Variants in ZNF277 observed in about 807,000 individuals in gnomAD.
ZNF277 encodes zinc finger protein 277.
A neutral mutation model predicts 60.7 loss-of-function variants in ZNF277; 55 were observed. That is an observed-to-expected ratio of 0.91 (90% CI 0.73 to 1.13). The LOEUF (loss-of-function observed/expected upper bound fraction) is 1.13. Among genes scored for constraint, ZNF277 ranks in the 50% most tolerant of loss-of-function variants. The probability of loss-of-function intolerance (pLI) is 0.00; values close to 1 mark genes in which losing one functional copy is unlikely to be tolerated. For synonymous variants in ZNF277, 178 were observed against 179.3 expected, an observed-to-expected ratio of 0.99 and a Z score of 0.06; for missense variants, 510 against 523.0, an observed-to-expected ratio of 0.98 and a Z score of 0.24.
At chr7:112,331,443 A>C (rs1360328978) in intron 7 of ZNF277, among the ~76,000 whole-genome samples, 2 of 152,190 alleles carry the variant, frequency 1.3e-5, no homozygotes, top group African/African-American at 4.8e-5. Flanking sequence ...AAATGAATTA[A>C]AACCCAAACC....
intron 1 of ZNF277, among the ~76,000 whole-genome samples, chr7:112,220,758 C>T (rs1264757880): frequency 1.3e-5 from 2 of 152,102 alleles, no homozygotes; most frequent in African/African-American, 2.4e-5. Flanking sequence ...AGCTCACACC[C>T]GACCAATCAG....
At chr7:112,265,355 A>C (rs1054516124) in intron 1 of ZNF277, among the ~76,000 whole-genome samples, 3 of 152,128 alleles carry the variant, frequency 2.0e-5, no homozygotes, top group Non-Finnish European at 4.4e-5. Flanking sequence ...GAAAGGGGAG[A>C]ATGGCAGGTC....
chr7:112,220,854 G>T (rs981850834), intron 1 of ZNF277, among the ~76,000 whole-genome samples: 1 of 152,114 alleles, frequency 6.6e-6, no homozygotes, highest in Admixed American at 6.6e-5. Flanking sequence ...GAGAGCATAG[G>T]GGGAGGGACA....
chr7:112,270,545 G>A (rs1791644921), intron 1 of ZNF277, among the ~76,000 whole-genome samples: 1 of 152,000 alleles, frequency 6.6e-6, no homozygotes, highest in African/African-American at 2.4e-5. Flanking sequence ...AACTTATATT[G>A]TATTCTGACA....
chr7:112,318,312 T>C (rs1792890307), intron 5 of ZNF277, 39 bp downstream of exon 5: 1 of 1,547,704 alleles, frequency 6.5e-7, no homozygotes, highest in Non-Finnish European at 8.9e-7. Context: ...CTGTTTTTAA[T>C]CTGAAAACTC....
At chr7:112,306,287 T>C (rs986291914) in intron 4 of ZNF277, among the ~76,000 whole-genome samples, 3 of 147,986 alleles carry the variant, frequency 2.0e-5, no homozygotes, top group African/African-American at 7.5e-5. Context: ...CAATTTCAGC[T>C]CCCTGCAGCC....
intron 1 of ZNF277, among the ~76,000 whole-genome samples, chr7:112,209,710 A>G (rs569044949): frequency 1.2e-4 from 19 of 152,286 alleles, no homozygotes; most frequent in Non-Finnish European, 1.8e-4. Context: ...TTCAAAGCCA[A>G]CAAGGTGTGA....
At position 112,221,409 on chromosome 7, in the gene ZNF277, C is replaced by T. The variant is rs528932626; in HGVS notation, c.91+14602C>T. Among the ~76,000 whole-genome samples the T allele has an allele frequency of 7.2e-5, 11 of 152,236 alleles. No homozygotes were observed. In the East Asian group the frequency reaches 1.5e-3, roughly 21 times the overall value. The stretch of plus-strand genomic sequence containing the variant: ...CGGGAGCTCTGGGAGGAAGGACCCC[C>T]GGTAACATTATCATATATGGCAGTG... On this transcript the variant is annotated intron_variant, in intron 1 of 11. Coordinates refer to ENST00000361822, the MANE Select transcript of ZNF277 (RefSeq NM_021994.3).
At chr7:112,261,659 A>G (rs1791441533) in intron 1 of ZNF277, among the ~76,000 whole-genome samples, 1 of 152,078 alleles carries the variant, frequency 6.6e-6, no homozygotes, top group Non-Finnish European at 1.5e-5. Context: ...TAAATTTTTT[A>G]ACCTTTATGA....
chr7:112,337,585 T>C, intron 8 of ZNF277, 145 bp from the exon 9 acceptor site: 1 of 545,692 alleles, frequency 1.8e-6, no homozygotes, highest in Non-Finnish European at 3.3e-6. Flanking sequence ...AGTCATAATA[T>C]GATGTGACAG....
At chr7:112,225,421 A>G (rs555955782) in intron 1 of ZNF277, among the ~76,000 whole-genome samples, 3 of 152,338 alleles carry the variant, frequency 2.0e-5, no homozygotes, top group African/African-American at 7.2e-5. Flanking sequence ...CATGACCTCT[A>G]AAGTACAAGG....
rs907686606 is a variant in ZNF277 at position 112,262,408 on chromosome 7, C to T, written c.92-24465C>T. ...AGCACTGTATGGGATATTGTCATTA[C>T]AAAGAGAACTTGGTACTTTAAGTTC... On this transcript the variant is annotated intron_variant, in intron 1 of 11. Transcript: ENST00000361822. 1.2e-4 allele frequency among the ~76,000 whole-genome samples: 18 copies of T among 152,014 alleles called. 1 individual carries two copies. The South Asian group carries it at 3.5e-3, about 30-fold the overall frequency.
intron 1 of ZNF277, among the ~76,000 whole-genome samples, chr7:112,242,550 T>C (rs1287680745): frequency 2.0e-5 from 2 of 99,446 alleles, no homozygotes; most frequent in African/African-American, 8.4e-5. Context: ...CCATTTATAA[T>C]AGCTACCAAA....
chr7:112,307,783 G>T (rs59359759), intron 4 of ZNF277, among the ~76,000 whole-genome samples: 2 of 151,670 alleles, frequency 1.3e-5, no homozygotes, highest in African/African-American at 2.4e-5. Context: ...ATTTTAATTA[G>T]TATCTTAGTG....
intron 1 of ZNF277, among the ~76,000 whole-genome samples, chr7:112,276,686 A>T (rs1458528042): frequency 6.6e-6 from 1 of 152,168 alleles, no homozygotes; most frequent in African/African-American, 2.4e-5. Flanking sequence ...ATTATTAGTA[A>T]ATTGCTGTGT....
At chr7:112,327,911 G>C in intron 6 of ZNF277, 84 bp downstream of exon 6, 3 of 905,330 alleles carry the variant, frequency 3.3e-6, no homozygotes, top group Non-Finnish European at 4.9e-6. Context: ...ATTTAATAGA[G>C]TAATTAAAGA....
intron 6 of ZNF277, among the ~76,000 whole-genome samples, 169 bp from the exon 7 acceptor site, chr7:112,329,915 T>C (rs895237597): frequency 1.3e-5 from 2 of 152,188 alleles, no homozygotes; most frequent in Non-Finnish European, 2.9e-5. Context: ...CTATGCACTC[T>C]ACAAAGCCAA....
chr7:112,232,887 T>G (rs1822378379), intron 1 of ZNF277, among the ~76,000 whole-genome samples: 1 of 152,178 alleles, frequency 6.6e-6, no homozygotes, highest in Non-Finnish European at 1.5e-5. Flanking sequence ...AAAAAGTTTA[T>G]ATTTATTATC....
At chr7:112,265,667 T>C (rs1460836861) in intron 1 of ZNF277, among the ~76,000 whole-genome samples, 1 of 152,146 alleles carries the variant, frequency 6.6e-6, no homozygotes, top group African/African-American at 2.4e-5. Flanking sequence ...GAAGTATGCC[T>C]GTATATGAAG....
Sources: allele counts gnomAD v4.1 joint callset (sites outside exome capture counted in the v4.1 genomes callset), GRCh38; gene constraint gnomAD v4.1.1; transcripts MANE v1.5; gene names NCBI Gene and HGNC (gene_info 2026-07-23, HGNC 2026-07-21).